The following DPYSL3 variants were observed in gnomAD, a reference collection of about 807,000 sequenced individuals.
DPYSL3 encodes dihydropyrimidinase like 3.
Under a neutral mutation model 66.1 loss-of-function variants are expected in DPYSL3, and 16 were observed. The ratio of observed to expected loss-of-function variants is 0.24; its 90% CI spans 0.16 to 0.37. DPYSL3 has a LOEUF of 0.37. Ranked by LOEUF, DPYSL3 falls within the 10% of genes least tolerant of loss-of-function variation. The probability of loss-of-function intolerance (pLI) is 1.00; values close to 1 mark genes in which losing one functional copy is unlikely to be tolerated. For missense variants in DPYSL3, 738 were observed against 916.2 expected, an observed-to-expected ratio of 0.81 and a Z score of 2.51; for synonymous variants, 338 against 345.1, an observed-to-expected ratio of 0.98 and a Z score of 0.23.
At chr5:147,476,892 TAGAA>T (rs1443082155) in intron 1 of DPYSL3, among the ~76,000 whole-genome samples, 2 of 152,146 alleles carry the variant, frequency 1.3e-5, no homozygotes, top group African/African-American at 4.8e-5. Flanking sequence ...ACAAAAGCAT[TAGAA>T]AGAGACACCC....
chr5:147,438,179 T>A (rs1433394053), intron 1 of DPYSL3, among the ~76,000 whole-genome samples: 1 of 152,192 alleles, frequency 6.6e-6, no homozygotes, highest in African/African-American at 2.4e-5. Context: ...TCTGTCTGTC[T>A]AAAAACCTAT....
chr5:147,443,769 C>T (rs1011424828), intron 1 of DPYSL3, among the ~76,000 whole-genome samples: 5 of 152,020 alleles, frequency 3.3e-5, no homozygotes, highest in South Asian at 2.1e-4. Flanking sequence ...TTTAAATTCA[C>T]GTTAGGAAGA....
Position 147,418,508 on chromosome 5 carries a change from G to A in DPYSL3, c.594C>T (p.Thr198=). Residue 198 remains threonine, a synonymous_variant, in exon 3 of 14, where the codon ACC becomes ACT. Transcript: ENST00000343218. Reference sequence around the variant, plus strand: ...TCCCTTGGAAGAAGTCATCTACTGTGGTCATTCCCTTATATGGCATCTGGA... The same window carrying A: ...TCCCTTGGAAGAAGTCATCTACTGTAGTCATTCCCTTATATGGCATCTGGA... ...THFQMPYKGM[T]TVDDFFQGTK... is the part of the protein sequence containing the mutation. The A allele has an allele frequency of 6.2e-7, 1 of 1,613,612 alleles. No individual in the cohort carries two copies. Among genetic ancestry groups the A allele is most frequent in the Middle Eastern group, 1.7e-4 (1 of 6,058 alleles).
At chr5:147,487,550 T>C (rs1753352627) in intron 1 of DPYSL3, among the ~76,000 whole-genome samples, 1 of 152,202 alleles carries the variant, frequency 6.6e-6, no homozygotes, top group Non-Finnish European at 1.5e-5. Context: ...GGCAAACTAT[T>C]GTCCATGGGT....
Position 147,393,977 on chromosome 5 carries a change from A to G in DPYSL3, c.*58T>C. 6.4e-7 allele frequency: 1 copy of G among 1,558,154 alleles called. No individual in the cohort carries two copies. Among genetic ancestry groups the G allele is most frequent in the Middle Eastern group, 1.7e-4 (1 of 5,918 alleles). Reference sequence around the variant, plus strand: ...TTTCCTTCTTAAATATCGGTGTACCATTTTGGCTTCAAAACAATCTCTTCT... The same window carrying G: ...TTTCCTTCTTAAATATCGGTGTACCGTTTTGGCTTCAAAACAATCTCTTCT... On this transcript the variant is annotated 3_prime_UTR_variant, in exon 14 of 14. Coordinates refer to ENST00000343218, the MANE Select transcript of DPYSL3 (RefSeq NM_001197294.2).
In DPYSL3 at chr5:147,395,681, C is replaced by CCAT; in HGVS notation, c.1841_1843dup (p.Asp614dup). 6.2e-7 allele frequency: 1 copy of CCAT among 1,614,042 alleles called. No individual in the cohort carries two copies. Among genetic ancestry groups the CCAT allele is most frequent in the Non-Finnish European group, 8.5e-7 (1 of 1,180,044 alleles). ...GGTGGTGGTCAGGTCAAACACAGGCCCATCGTACATGCCCCTTGGGACGGC... is the reference window on the plus strand; with the variant it reads ...GGTGGTGGTCAGGTCAAACACAGGCCCATCATCGTACATGCCCCTTGGGACGGC... On this transcript the variant is annotated inframe_insertion, in exon 13 of 14. Transcript: ENST00000343218.
chr5:147,482,584 C>T (rs901763737), intron 1 of DPYSL3, among the ~76,000 whole-genome samples: 1 of 152,152 alleles, frequency 6.6e-6, no homozygotes, highest in African/African-American at 2.4e-5. Context: ...CACCAGAGAC[C>T]GTTTTTTCCA....
intron 1 of DPYSL3, among the ~76,000 whole-genome samples, chr5:147,497,797 A>T (rs769792264): frequency 3.3e-5 from 5 of 152,124 alleles, no homozygotes; most frequent in Non-Finnish European, 5.9e-5. Flanking sequence ...AGCTAACATC[A>T]TATTTAATGG....
chr5:147,502,839 G>A (rs1466377286), intron 1 of DPYSL3, among the ~76,000 whole-genome samples: 1 of 152,160 alleles, frequency 6.6e-6, no homozygotes, highest in African/African-American at 2.4e-5. Flanking sequence ...CCCTCCCAAA[G>A]TGCTGGGATT....
chr5:147,441,263 T>A (rs1048358399), intron 1 of DPYSL3, among the ~76,000 whole-genome samples: 6 of 152,218 alleles, frequency 3.9e-5, no homozygotes, highest in African/African-American at 2.4e-5. Context: ...AAGTTATGAA[T>A]GCTAGAAGTC....
chr5:147,409,151 A>C (rs2152019877), intron 6 of DPYSL3, among the ~76,000 whole-genome samples: 1 of 152,276 alleles, frequency 6.6e-6, no homozygotes, highest in South Asian at 2.1e-4. Context: ...CATGCTCTTT[A>C]AGCCATTTCA....
chr5:147,476,249 T>C (rs559262290), intron 1 of DPYSL3, among the ~76,000 whole-genome samples: 98 of 152,280 alleles, frequency 6.4e-4, no homozygotes, highest in Admixed American at 3.1e-3. Flanking sequence ...TCCATGATCA[T>C]CTAGTTAAAA....
intron 1 of DPYSL3, among the ~76,000 whole-genome samples, chr5:147,464,649 A>T (rs1752985145): frequency 1.3e-5 from 2 of 152,238 alleles, no homozygotes; most frequent in South Asian, 4.1e-4. Context: ...AGACAAGTAC[A>T]TCAGCCATAA....
At chr5:147,473,926 A>T (rs1561799912) in intron 1 of DPYSL3, among the ~76,000 whole-genome samples, 1 of 152,164 alleles carries the variant, frequency 6.6e-6, no homozygotes, top group African/African-American at 2.4e-5. Flanking sequence ...AAGTATCTTA[A>T]TACTGTAACT....
chr5:147,480,709 T>TATA (rs956714260), intron 1 of DPYSL3, among the ~76,000 whole-genome samples: 20 of 104,548 alleles, frequency 1.9e-4, no homozygotes, highest in African/African-American at 9.4e-4. Context: ...ATATATATTA[T>TATA]TATTATTATT....
At position 147,408,808 on chromosome 5, in the gene DPYSL3, A is replaced by G. The variant is rs1484699686; in HGVS notation, c.964-12T>C. On this transcript the variant is annotated splice_polypyrimidine_tract_variant and intron_variant, in intron 6 of 13. Transcript: ENST00000343218. ...ATGCGGGTTTGCTCCTGAAATGAAA[A>G]AAGAAAATAGTTCTTCAATAAGCTC... 1 of 1,614,074 alleles carries G rather than the reference A, an allele frequency of 6.2e-7. No individual in the cohort carries two copies. Among genetic ancestry groups the G allele is most frequent in the Non-Finnish European group, 8.5e-7 (1 of 1,180,026 alleles).
Position 147,509,562 on chromosome 5 carries a change from C to A in DPYSL3, c.297G>T (p.Ala99=), listed in dbSNP as rs1233009861. ...CCCCGGCGGGGGCGGGGGAGGCGGG[C>A]GCGGGCTCCCTGCTCTCTTCCCGGC... is the stretch of plus-strand genomic sequence containing the variant. ...GQGREESREP[A]PASPAPAGVE... is the part of the protein sequence containing the mutation. Residue 99 remains alanine, a synonymous_variant, in exon 1 of 14, where the codon GCG becomes GCT. Coordinates refer to ENST00000343218, the MANE Select transcript of DPYSL3 (RefSeq NM_001197294.2). The surrounding 1 kb of genome is among the most constrained non-coding windows in gnomAD (Gnocchi z 5.3). The A allele has an allele frequency of 5.9e-6, 9 of 1,534,842 alleles. No homozygotes were observed. The highest frequency in any genetic ancestry group is 7.0e-6 in the Non-Finnish European group (8 of 1,146,498).
At chr5:147,494,205 C>T (rs1357016307) in intron 1 of DPYSL3, among the ~76,000 whole-genome samples, 1 of 151,968 alleles carries the variant, frequency 6.6e-6, no homozygotes, top group Non-Finnish European at 1.5e-5. Flanking sequence ...TAAGATGTAG[C>T]TAAAGCAGTG....
intron 2 of DPYSL3, among the ~76,000 whole-genome samples, chr5:147,423,778 T>A (rs935645437): frequency 1.1e-4 from 17 of 152,150 alleles, no homozygotes; most frequent in Non-Finnish European, 2.2e-4. Flanking sequence ...TGGAGTGCAG[T>A]GGCGCCATCT....
Sources: gnomAD v4.1 joint callset for allele counts (sites outside exome capture counted in the v4.1 genomes callset) on GRCh38, gnomAD v4.1.1 for gene constraint, Gnocchi (gnomAD v3.1) non-coding constraint, MANE v1.5 for transcripts, NCBI Gene and HGNC (gene_info 2026-07-23, HGNC 2026-07-21) for gene names.